FCHSD2: variants seen among roughly 807,000 people sequenced by gnomAD.
FCHSD2 encodes the protein F-BAR and double SH3 domains protein 2.
Under a neutral mutation model 108.1 loss-of-function variants are expected in FCHSD2, and 38 were observed. That is an observed-to-expected ratio of 0.35 (90% CI 0.27 to 0.46). FCHSD2 has a LOEUF of 0.46. Ranked by LOEUF, FCHSD2 falls within the 20% of genes least tolerant of loss-of-function variation. The pLI, the probability that FCHSD2 is intolerant of heterozygous loss-of-function variation, is 1.00. For synonymous variants in FCHSD2, 279 were observed against 314.7 expected (o/e 0.89, Z 1.20); for missense variants, 751 against 897.8 (o/e 0.84, Z 2.09).
chr11:73,039,548 T>C (rs926017218), intron 3 of FCHSD2, among the ~76,000 whole-genome samples: 1 of 151,790 alleles, frequency 6.6e-6, no homozygotes, highest in African/African-American at 2.4e-5. Context: ...AAAAGAAATA[T>C]TAATATGTCA....
intron 8 of FCHSD2, among the ~76,000 whole-genome samples, chr11:72,953,531 T>C (rs1192512119): frequency 6.6e-6 from 1 of 152,134 alleles, no homozygotes; most frequent in Non-Finnish European, 1.5e-5. Flanking sequence ...CATGAATTTA[T>C]TGAACATGAA....
chr11:73,126,414 T>C (rs1157564253), intron 2 of FCHSD2, among the ~76,000 whole-genome samples: 1 of 139,510 alleles, frequency 7.2e-6, no homozygotes, highest in Non-Finnish European at 1.5e-5. Context: ...ACATAAAGCT[T>C]GTTTTCCCAA....
At position 72,857,674 on chromosome 11, in the gene FCHSD2, T is replaced by A. The variant is rs557962577; in HGVS notation, c.1309-7785A>T. Among the ~76,000 whole-genome samples, 4 of 151,906 alleles carry A rather than the reference T, an allele frequency of 2.6e-5. No homozygotes were observed. In the East Asian group the frequency reaches 7.7e-4, roughly 29 times the overall value. On this transcript the variant is annotated intron_variant, in intron 13 of 19. Coordinates refer to ENST00000409418, the MANE Select transcript of FCHSD2 (RefSeq NM_014824.3). ...TATGTTGGCCAGGCTGGTCTTGAAC[T>A]CGTGACCTCAGATGATCCACCTGCC...
Position 72,843,114 on chromosome 11 carries a change from C to T in FCHSD2, c.1705+37G>A, listed in dbSNP as rs200684861. The T allele has an allele frequency of 3.9e-4, 628 of 1,602,020 alleles. 4 individuals are homozygous for T. Among genetic ancestry groups the T allele is most frequent in the Middle Eastern group, 1.7e-3 (10 of 6,032 alleles). On this transcript the variant is annotated intron_variant, in intron 16 of 19. Coordinates refer to ENST00000409418, the MANE Select transcript of FCHSD2 (RefSeq NM_014824.3). Reference sequence around the variant, plus strand: ...CCAGGGCAATACAGTTTAGGTCAAACGTGACCAAATAAAGAGTGCCTTGTT... The same window carrying T: ...CCAGGGCAATACAGTTTAGGTCAAATGTGACCAAATAAAGAGTGCCTTGTT...
intron 8 of FCHSD2, among the ~76,000 whole-genome samples, chr11:72,924,094 G>C (rs1003735196): frequency 1.3e-5 from 2 of 150,574 alleles, no homozygotes; most frequent in African/African-American, 4.9e-5. Flanking sequence ...AGTTTCTTTT[G>C]ATGTACAAAA....
intron 3 of FCHSD2, among the ~76,000 whole-genome samples, chr11:73,071,237 TA>T (rs1859428378): frequency 6.6e-6 from 1 of 152,118 alleles, no homozygotes; most frequent in African/African-American, 2.4e-5. Context: ...TTACAAAAAC[TA>T]GTCAAATTCA....
In FCHSD2 at chr11:72,841,000, T is replaced by C. The variant is rs546496996; in HGVS notation, c.2057-41A>G. 4 of 1,480,636 alleles carry C rather than the reference T, an allele frequency of 2.7e-6. No individual in the cohort carries two copies. The East Asian group carries it at 9.1e-5, about 34-fold the overall frequency. The allele number at this position is 1,480,636 out of a possible 1,614,324, so 91.7% of individuals were successfully genotyped here. On this transcript the variant is annotated intron_variant, in intron 18 of 19. Transcript: ENST00000409418. Reference sequence around the variant, plus strand: ...AAAGAAGCTCATTTTACTTGAGTTGTTGAGCAATAATGCTGATGCAAGGCT... The same window carrying C: ...AAAGAAGCTCATTTTACTTGAGTTGCTGAGCAATAATGCTGATGCAAGGCT...
chr11:72,984,854 T>C (rs541985238), intron 7 of FCHSD2, among the ~76,000 whole-genome samples: 11 of 152,224 alleles, frequency 7.2e-5, no homozygotes, highest in Non-Finnish European at 1.6e-4. Flanking sequence ...TTATCCCTAA[T>C]GCAGTCTTGA....
Position 72,908,515 on chromosome 11 carries a change from C to T in FCHSD2, c.829-5877G>A, listed in dbSNP as rs548648906. Among the ~76,000 whole-genome samples the T allele has an allele frequency of 2.6e-5, 4 of 152,316 alleles. 1 individual carries two copies. The highest frequency in any genetic ancestry group is 9.6e-5 in the African/African-American group (4 of 41,578). On this transcript the variant is annotated intron_variant, in intron 9 of 19. Transcript: ENST00000409418. ...TTCCCAGCAACAGTATACAAGGGCT[C>T]CCTTTTCTCCACATCCTCACCAGCA...
chr11:72,934,208 A>G (rs936151666), intron 8 of FCHSD2, among the ~76,000 whole-genome samples: 1 of 151,834 alleles, frequency 6.6e-6, no homozygotes, highest in African/African-American at 2.4e-5. Context: ...ATGAAGATGC[A>G]TCTGTATCTT....
chr11:72,924,097 G>A (rs1191560807), intron 8 of FCHSD2, among the ~76,000 whole-genome samples: 1 of 151,374 alleles, frequency 6.6e-6, no homozygotes, highest in African/African-American at 2.4e-5. Flanking sequence ...TTCTTTTGAT[G>A]TACAAAAGTT....
intron 4 of FCHSD2, among the ~76,000 whole-genome samples, chr11:73,010,851 G>A (rs1008848279): frequency 1.3e-5 from 2 of 152,234 alleles, no homozygotes; most frequent in African/African-American, 4.8e-5. Flanking sequence ...TGCTGGTAGT[G>A]GCAGCAGTGA....
At chr11:72,954,785 C>A (rs898529544) in intron 8 of FCHSD2, among the ~76,000 whole-genome samples, 1 of 151,878 alleles carries the variant, frequency 6.6e-6, no homozygotes, top group Non-Finnish European at 1.5e-5. Context: ...AAGATATTTA[C>A]ATACAAACAT....
At chr11:73,035,695 T>TA (rs879815599) in intron 3 of FCHSD2, among the ~76,000 whole-genome samples, 9,474 of 74,186 alleles carry the variant, frequency 0.13, 424 homozygotes, top group Middle Eastern at 0.18. Flanking sequence ...AAATGTTCAG[T>TA]TTTTATTTAT....
intron 12 of FCHSD2, among the ~76,000 whole-genome samples, chr11:72,868,690 AAAAC>A (rs150087439): frequency 0.16 from 23,773 of 150,744 alleles, 2,134 homozygotes; most frequent in South Asian, 0.22. Context: ...GACTCTGTTA[AAAAC>A]AAACAAACAA....
chr11:73,120,731 A>G (rs1591570531), intron 2 of FCHSD2, among the ~76,000 whole-genome samples: 1 of 152,210 alleles, frequency 6.6e-6, no homozygotes, highest in African/African-American at 2.4e-5. Context: ...TTGTGTCTAA[A>G]AAAATAATAA....
intron 8 of FCHSD2, among the ~76,000 whole-genome samples, chr11:72,977,084 C>A (rs1230604013): frequency 6.6e-6 from 1 of 152,076 alleles, no homozygotes; most frequent in Non-Finnish European, 1.5e-5. Flanking sequence ...ACCACCACAC[C>A]TGGCTAATTT....
chr11:72,986,399 C>T (rs113655714), intron 6 of FCHSD2, among the ~76,000 whole-genome samples: 6 of 152,122 alleles, frequency 3.9e-5, no homozygotes, highest in Admixed American at 3.3e-4. Context: ...TTAGTAGAGA[C>T]GGGGTTTCAC....
At chr11:73,106,792 T>C (rs1860355758) in intron 2 of FCHSD2, among the ~76,000 whole-genome samples, 1 of 152,212 alleles carries the variant, frequency 6.6e-6, no homozygotes, top group Non-Finnish European at 1.5e-5. Flanking sequence ...GACAGGTTTG[T>C]AGCCTAGGAA....
Sources: allele counts gnomAD v4.1 joint callset (sites outside exome capture counted in the v4.1 genomes callset), GRCh38; gene constraint gnomAD v4.1.1; transcripts MANE v1.5; gene names NCBI Gene and HGNC (gene_info 2026-07-23, HGNC 2026-07-21).